NDUFAF6: variants seen among roughly 807,000 people sequenced by gnomAD.
NDUFAF6 encodes NADH:ubiquinone oxidoreductase complex assembly factor 6.
A neutral mutation model predicts 40.8 loss-of-function variants in NDUFAF6; 45 were observed. The observed-to-expected ratio is 1.10, with a 90% confidence interval of 0.87 to 1.42. The LOEUF (loss-of-function observed/expected upper bound fraction) is 1.42, where lower values mean the gene tolerates loss of function less well. Among genes scored for constraint, NDUFAF6 ranks in the 40% most tolerant of loss-of-function variants. The probability of loss-of-function intolerance (pLI) is 0.00; values close to 1 mark genes in which losing one functional copy is unlikely to be tolerated. For missense variants in NDUFAF6, 435 were observed against 418.5 expected (o/e 1.04, Z -0.34); for synonymous variants, 185 against 155.9 (o/e 1.19, Z -1.39).
At chr8:95,056,235 T>G (rs564745566) in intron 8 of NDUFAF6, among the ~76,000 whole-genome samples, 9 of 151,868 alleles carry the variant, frequency 5.9e-5, no homozygotes, top group African/African-American at 1.5e-4. Context: ...CTGGATTGTT[T>G]TTTTTTTTTT....
upstream of NDUFAF6, among the ~76,000 whole-genome samples, chr8:95,024,490 G>T (rs1827845420): frequency 6.6e-6 from 1 of 152,228 alleles, no homozygotes; most frequent in Admixed American, 6.5e-5. Flanking sequence ...CCCAAACAGG[G>T]CGACATTTCC....
chr8:95,036,609 C>G (rs183082540), intron 3 of NDUFAF6: 1 of 853,048 alleles, frequency 1.2e-6, no homozygotes, highest in East Asian at 6.4e-5. Context: ...TATTACTTTA[C>G]ACCTAAATCG....
downstream of NDUFAF6, among the ~76,000 whole-genome samples, chr8:95,059,973 C>A (rs1174913485): frequency 1.5e-5 from 2 of 132,830 alleles, no homozygotes; most frequent in Admixed American, 7.5e-5. Context: ...GCAGGTCTTC[C>A]CAAGTTAAAT....
Position 94,911,609 on chromosome 8 carries a change from G to C in NDUFAF6, c.-936+15682G>C, listed in dbSNP as rs537137277. On this transcript the variant is annotated intron_variant, in intron 1 of 14. Coordinates refer to the NDUFAF6 transcript ENST00000396113. ...TCCCTTTAATCCTTTTAGAGACAAA[G>C]TAAGAATAATATACAATGGTACCTT... 4.7e-4 allele frequency among the ~76,000 whole-genome samples: 71 copies of C among 152,304 alleles called. 1 individual carries two copies. The highest frequency in any genetic ancestry group is 8.3e-4 in the South Asian group (4 of 4,824).
chr8:94,917,440 T>C (rs1463207262), intron 1 of NDUFAF6, among the ~76,000 whole-genome samples: 1 of 152,218 alleles, frequency 6.6e-6, no homozygotes, highest in Non-Finnish European at 1.5e-5. Context: ...ATATAACAAT[T>C]GCGAAATAGA....
chr8:95,048,456 G>A lies in NDUFAF6; in HGVS notation c.715-1G>A, dbSNP rs1831057359. Reference sequence around the variant, plus strand: ...AATATAATGTATATTTCCCCACACAGCATGGTGTTTCACAAGAGGACTTTC... The same window carrying A: ...AATATAATGTATATTTCCCCACACAACATGGTGTTTCACAAGAGGACTTTC... On this transcript the variant is annotated splice_acceptor_variant, in intron 6 of 8. Transcript: ENST00000396124. LOFTEE classifies it high-confidence loss of function. The A allele has an allele frequency of 1.2e-6, 2 of 1,608,310 alleles. No individual in the cohort carries two copies. The highest frequency in any genetic ancestry group is 1.1e-5 in the South Asian group (1 of 90,938).
At chr8:95,080,266 TTTTTTGTAGTGTA>T (rs1233187288), downstream of NDUFAF6, among the ~76,000 whole-genome samples, 126 of 151,854 alleles carry the variant, frequency 8.3e-4, no homozygotes, top group Non-Finnish European at 1.0e-3. Context: ...TTTGTAGTGA[TTTTTTGTAGTGTA>T]TTTTTGTAGT....
chr8:95,099,586 A>G (rs948661307), upstream of NDUFAF6, among the ~76,000 whole-genome samples: 1 of 151,010 alleles, frequency 6.6e-6, no homozygotes, highest in Non-Finnish European at 1.5e-5. Flanking sequence ...TCTCAAAATT[A>G]AAAAAAAAGA....
rs566836273 is a variant in NDUFAF6 at position 94,933,809 on chromosome 8, T to A, written c.-935-11674T>A. Reference sequence around the variant, plus strand: ...CAACTATACATCTGGGCATGGTGGCTCATGCCTGTAATCCCAGCACTTTGT... The same window carrying A: ...CAACTATACATCTGGGCATGGTGGCACATGCCTGTAATCCCAGCACTTTGT... On this transcript the variant is annotated intron_variant, in intron 1 of 14. Coordinates refer to the NDUFAF6 transcript ENST00000396113. Among the ~76,000 whole-genome samples the A allele has an allele frequency of 2.5e-5, 3 of 120,334 alleles. No individual in the cohort carries two copies. The South Asian group carries it at 9.4e-4, about 38-fold the overall frequency. The allele number at this position is 120,334 out of a possible 152,430, so 78.9% of individuals were successfully genotyped here.
chr8:95,009,192 C>T (rs1827127711), intron 2 of NDUFAF6, among the ~76,000 whole-genome samples: 1 of 150,768 alleles, frequency 6.6e-6, no homozygotes, highest in Non-Finnish European at 1.5e-5. Flanking sequence ...AGAGCAAGAC[C>T]CTATCTCTAA....
At chr8:94,941,145 A>G (rs995570570) in intron 1 of NDUFAF6, 11 of 558,070 alleles carry the variant, frequency 2.0e-5, no homozygotes, top group South Asian at 1.1e-4. Context: ...ACATATATAC[A>G]TAAGTACATA....
chr8:94,985,698 G>C (rs763527537), intron 2 of NDUFAF6, among the ~76,000 whole-genome samples: 8 of 148,218 alleles, frequency 5.4e-5, no homozygotes, highest in Non-Finnish European at 1.0e-4. Flanking sequence ...ACCATGCCTA[G>C]CTAATTTTTG....
downstream of NDUFAF6, among the ~76,000 whole-genome samples, chr8:95,076,954 G>A (rs937165308): frequency 2.6e-5 from 4 of 151,934 alleles, no homozygotes; most frequent in South Asian, 6.2e-4. Context: ...CAGTGTGACC[G>A]TATGTGGAGA....
intron 2 of NDUFAF6, among the ~76,000 whole-genome samples, chr8:94,999,748 A>G (rs1252624628): frequency 6.6e-6 from 1 of 152,166 alleles, no homozygotes; most frequent in Non-Finnish European, 1.5e-5. Flanking sequence ...TGCTAGTCAT[A>G]ACTTTCTACA....
upstream of NDUFAF6, among the ~76,000 whole-genome samples, chr8:94,956,757 T>C (rs1823110880): frequency 6.6e-6 from 1 of 151,836 alleles, no homozygotes; most frequent in African/African-American, 2.4e-5. Context: ...ATGACTGAGA[T>C]GAAGATTTAT....
intron 2 of NDUFAF6, among the ~76,000 whole-genome samples, chr8:94,946,719 A>AAAAAAAAAAAAAAAAAAAAAAAAAAAAC (rs1563736851): frequency 6.7e-6 from 1 of 149,378 alleles, no homozygotes; most frequent in African/African-American, 2.5e-5. Context: ...AAAAAAAAAA[A>AAAAAAAAAAAAAAAAAAAAAAAAAAAAC]AGACAGGCCC....
In NDUFAF6 at chr8:95,025,082, C is replaced by T. The variant is rs1827924354; in HGVS notation, c.74C>T (p.Pro25Leu). The T allele has an allele frequency of 1.4e-6, 2 of 1,454,826 alleles. No homozygotes were observed. The highest frequency in any genetic ancestry group is 3.0e-5 in the African/African-American group (2 of 67,760). 90.1% of individuals were successfully genotyped at this position (1,454,826 alleles called of 1,614,324 possible). A position where few individuals can be genotyped will look rare whatever the true frequency, so the allele number is the denominator to read the frequency against. ...ATCCCCGGCCTGTGCTGCCGCCGGC[C>T]GCCTCTGGGTCTGTACGCGCGCATG... ...LGIPGLCCRRPPLGLYARMRR... is the reference protein window; with the variant it reads ...LGIPGLCCRRLPLGLYARMRR... The change falls in exon 1 of 9, where the codon CCG (proline) becomes CTG (leucine). Residue 25 changes from proline (P) to leucine (L), a missense_variant. By Grantham distance (98) the Pro-to-Leu change is moderately conservative (BLOSUM62 -3). Coordinates refer to ENST00000396124, the MANE Select transcript of NDUFAF6 (RefSeq NM_152416.4).
At chr8:95,047,248 C>A in intron 6 of NDUFAF6, 121 bp downstream of exon 6, 1 of 1,359,420 alleles carries the variant, frequency 7.4e-7, no homozygotes, top group Non-Finnish European at 1.0e-6. Flanking sequence ...TTATTGCTTA[C>A]TAAAAATGGC....
upstream of NDUFAF6, among the ~76,000 whole-genome samples, chr8:95,099,552 C>T (rs1234800727): frequency 6.6e-6 from 1 of 151,414 alleles, no homozygotes; most frequent in African/African-American, 2.4e-5. Flanking sequence ...TTAAGATCAG[C>T]CTGGGCAACA....
Sources: allele counts gnomAD v4.1 joint callset (sites outside exome capture counted in the v4.1 genomes callset), GRCh38; gene constraint gnomAD v4.1.1; transcripts MANE v1.5; gene names NCBI Gene and HGNC (gene_info 2026-07-23, HGNC 2026-07-21).